The following CNNM2 variants were observed in gnomAD, a reference collection of about 807,000 sequenced individuals.
CNNM2 encodes the protein metal transporter CNNM2.
In CNNM2, 12 loss-of-function variants were observed where a neutral mutation model predicts 66.9. The observed-to-expected ratio is 0.18, with a 90% CI of 0.11 to 0.29. CNNM2 has a LOEUF of 0.29. Ranked by LOEUF, CNNM2 falls within the 10% of genes least tolerant of loss-of-function variation. The pLI, the probability that CNNM2 is intolerant of heterozygous loss-of-function variation, is 1.00. For missense variants in CNNM2, 705 were observed against 1,167.7 expected, an observed-to-expected ratio of 0.60 and a Z score of 5.77; for synonymous variants, 557 against 501.8, an observed-to-expected ratio of 1.11 and a Z score of -1.47.
chr10:102,988,695 T>C (rs1337227575), intron 1 of CNNM2, among the ~76,000 whole-genome samples: 1 of 152,176 alleles, frequency 6.6e-6, no homozygotes, highest in Non-Finnish European at 1.5e-5. Flanking sequence ...GGTAAAATTC[T>C]GCCCACACCC....
chr10:103,047,800 A>C (rs1346335191), intron 1 of CNNM2, among the ~76,000 whole-genome samples: 1 of 152,212 alleles, frequency 6.6e-6, no homozygotes, highest in African/African-American at 2.4e-5. Context: ...ACAGATTGCA[A>C]TATTCAATAT....
intron 1 of CNNM2, among the ~76,000 whole-genome samples, chr10:103,006,056 G>A (rs376296242): frequency 1.6e-4 from 25 of 152,174 alleles, no homozygotes; most frequent in African/African-American, 5.5e-4. Context: ...TTTCCTTTCC[G>A]AGGTTATTTC....
chr10:102,935,057 G>A (rs573352747), intron 1 of CNNM2, among the ~76,000 whole-genome samples: 2 of 151,208 alleles, frequency 1.3e-5, no homozygotes, highest in South Asian at 2.1e-4. Context: ...TACTTGGGAG[G>A]CTAAGGCAGG....
chr10:103,004,432 C>T (rs2064186777), intron 1 of CNNM2, among the ~76,000 whole-genome samples: 1 of 152,258 alleles, frequency 6.6e-6, no homozygotes, highest in South Asian at 2.1e-4. Flanking sequence ...CATCTGTGTG[C>T]ATTTCTGATA....
chr10:102,927,334 G>A (rs1395601182), intron 1 of CNNM2: 4 of 1,613,302 alleles, frequency 2.5e-6, no homozygotes, highest in Middle Eastern at 1.7e-4. Flanking sequence ...ATCTCTTTTT[G>A]TTTTTCTCAG....
At chr10:103,044,639 G>C (rs1269208032) in intron 1 of CNNM2, among the ~76,000 whole-genome samples, 1 of 152,188 alleles carries the variant, frequency 6.6e-6, no homozygotes, top group Non-Finnish European at 1.5e-5. Flanking sequence ...TAAGTGGGAA[G>C]GTGCATGGAA....
chr10:102,972,316 T>G (rs377608978), intron 1 of CNNM2, among the ~76,000 whole-genome samples: 12 of 152,094 alleles, frequency 7.9e-5, no homozygotes, highest in African/African-American at 2.9e-4. Context: ...ATCTGTGGAG[T>G]TTGGTTTGTT....
At position 102,939,704 on chromosome 10, in the gene CNNM2, C is replaced by A. The variant is rs1590279488; in HGVS notation, c.1621+19603C>A. Among the ~76,000 whole-genome samples the A allele has an allele frequency of 2.0e-5, 3 of 152,240 alleles. No homozygotes were observed. The South Asian group carries it at 6.2e-4, about 32-fold the overall frequency. On this transcript the variant is annotated intron_variant, in intron 1 of 7. Coordinates refer to ENST00000369878, the MANE Select transcript of CNNM2 (RefSeq NM_017649.5). ...TCATAATAAAGAACTGGCGGCCAGG[C>A]GCAGTGGCTCACGCCTGTAATCCCA...
intron 1 of CNNM2, among the ~76,000 whole-genome samples, chr10:103,047,509 AG>A (rs2065146057): frequency 6.6e-6 from 1 of 152,248 alleles, no homozygotes; most frequent in Admixed American, 6.5e-5. Context: ...TTTACTTAAT[AG>A]TAATGTACCA....
At chr10:103,014,958 T>C (rs2064413706) in intron 1 of CNNM2, among the ~76,000 whole-genome samples, 1 of 152,164 alleles carries the variant, frequency 6.6e-6, no homozygotes, top group Non-Finnish European at 1.5e-5. Flanking sequence ...CTTACAAATT[T>C]AATATATCTG....
intron 4 of CNNM2, among the ~76,000 whole-genome samples, chr10:103,058,246 G>A (rs779580142): frequency 6.6e-6 from 1 of 152,118 alleles, no homozygotes; most frequent in Non-Finnish European, 1.5e-5. Flanking sequence ...CCTCTTTGGA[G>A]ATAATGTAAG....
intron 1 of CNNM2, among the ~76,000 whole-genome samples, chr10:102,971,247 T>TAA (rs1244708758): frequency 2.5e-5 from 2 of 78,672 alleles, no homozygotes; most frequent in Admixed American, 1.5e-4. Flanking sequence ...ACCTCGTCCC[T>TAA]AAAAAAAAAA....
chr10:102,965,128 T>C (rs117635134), intron 1 of CNNM2, among the ~76,000 whole-genome samples: 401 of 152,328 alleles, frequency 2.6e-3, no homozygotes, highest in Admixed American at 7.2e-3. Flanking sequence ...TAAATTTCTC[T>C]TCTTTACAAA....
intron 4 of CNNM2, among the ~76,000 whole-genome samples, chr10:103,068,050 C>G (rs960843328): frequency 1.4e-4 from 22 of 152,204 alleles, no homozygotes; most frequent in Non-Finnish European, 4.4e-5. Context: ...GATTCAGCCC[C>G]GGCCCTGGCT....
intron 5 of CNNM2, among the ~76,000 whole-genome samples, chr10:103,071,380 G>A (rs1035003926): frequency 6.6e-5 from 10 of 152,372 alleles, no homozygotes; most frequent in Admixed American, 6.5e-4. Flanking sequence ...TGCAGTGAGT[G>A]AGTATTGGGG....
At chr10:102,962,912 T>C (rs964688150) in intron 1 of CNNM2, among the ~76,000 whole-genome samples, 11 of 152,178 alleles carry the variant, frequency 7.2e-5, no homozygotes, top group Non-Finnish European at 1.5e-5. Context: ...ATGGCCATGG[T>C]AGTTCACTTC....
chr10:103,014,638 T>G (rs2064406366), intron 1 of CNNM2, among the ~76,000 whole-genome samples: 1 of 152,130 alleles, frequency 6.6e-6, no homozygotes, highest in African/African-American at 2.4e-5. Context: ...CACTGAAAAA[T>G]TTAGTTGGGT....
intron 2 of CNNM2, among the ~76,000 whole-genome samples, chr10:103,052,054 A>G (rs987129385): frequency 7.2e-5 from 11 of 152,060 alleles, no homozygotes; most frequent in African/African-American, 2.4e-5. Flanking sequence ...AGGCAGGCGG[A>G]TCATGAGGTC....
chr10:103,050,717 T>C (rs2065201003), intron 2 of CNNM2, among the ~76,000 whole-genome samples: 1 of 152,062 alleles, frequency 6.6e-6, no homozygotes, highest in African/African-American at 2.4e-5. Context: ...AGAATGTGTT[T>C]TTCCTGTTCT....
Sources: allele counts gnomAD v4.1 joint callset (sites outside exome capture counted in the v4.1 genomes callset), GRCh38; gene constraint gnomAD v4.1.1; transcripts MANE v1.5; gene names NCBI Gene and HGNC (gene_info 2026-07-23, HGNC 2026-07-21).